The following STXBP2 variants were observed in gnomAD, a reference collection of about 807,000 sequenced individuals.
The protein encoded by STXBP2 is syntaxin binding protein 2.
A neutral mutation model predicts 72.2 loss-of-function variants in STXBP2; 47 were observed. The ratio of observed to expected loss-of-function variants is 0.65; its 90% confidence interval spans 0.51 to 0.83. The LOEUF (loss-of-function observed/expected upper bound fraction) is 0.83, where lower values mean the gene tolerates loss of function less well. Ranked by LOEUF, STXBP2 falls within the 40% of genes least tolerant of loss-of-function variation. The pLI, the probability that STXBP2 is intolerant of heterozygous loss-of-function variation, is 0.00. For missense variants in STXBP2, 702 were observed against 807.6 expected (o/e 0.87, Z 1.58); for synonymous variants, 367 against 338.7 (o/e 1.08, Z -0.92).
upstream of STXBP2, chr19:7,633,408 T>G (rs773238257): frequency 3.8e-6 from 6 of 1,569,918 alleles, no homozygotes; most frequent in South Asian, 7.0e-5. Context: ...CCCTCTCACC[T>G]CGGCACAGGG....
At chr19:7,640,203 TG>T (rs1278893170) in intron 4 of STXBP2, 1 of 552,436 alleles carries the variant, frequency 1.8e-6, no homozygotes, top group Non-Finnish European at 3.4e-6. Context: ...TGTATGCGTG[TG>T]TATGTATGTG....
intron 4 of STXBP2, 122 bp downstream of exon 4, chr19:7,639,929 T>C (rs1568464240): frequency 1.0e-6 from 1 of 977,008 alleles, no homozygotes; most frequent in East Asian, 2.6e-5. Flanking sequence ...TGTCCATGTG[T>C]ATGTGTGTGC....
intron 1 of STXBP2, among the ~76,000 whole-genome samples, chr19:7,638,153 C>T (rs936497321): frequency 2.0e-5 from 3 of 152,208 alleles, no homozygotes; most frequent in Non-Finnish European, 4.4e-5. Context: ...TCTTTTCATT[C>T]ACCTAAAACA....
rs1260687024 is a variant in STXBP2 at position 7,647,715 on chromosome 19, C to T, written c.1697-10C>T. The T allele has an allele frequency of 6.2e-7, 1 of 1,613,938 alleles. No individual in the cohort carries two copies. The highest frequency in any genetic ancestry group is 8.5e-7 in the Non-Finnish European group (1 of 1,179,948). On this transcript the variant is annotated splice_polypyrimidine_tract_variant and intron_variant, in intron 18 of 18. Coordinates refer to ENST00000221283, the MANE Select transcript of STXBP2 (RefSeq NM_006949.4). ...CCCAACATCTTCCCCAAACCTCTGC[C>T]CCTGCACAGGCTCCTCACACATCCT...
chr19:7,637,461 C>T (rs988646346), intron 1 of STXBP2, among the ~76,000 whole-genome samples: 12 of 152,050 alleles, frequency 7.9e-5, no homozygotes, highest in African/African-American at 2.9e-4. Flanking sequence ...GACTCCTGGG[C>T]CTCCTAGGGT....
At position 7,642,628 on chromosome 19, in the gene STXBP2, C is replaced by G. The variant is rs926430930; in HGVS notation, c.902+92C>G. The G allele has an allele frequency of 8.5e-6, 13 of 1,521,812 alleles. 1 individual carries two copies. The African/African-American group carries it at 1.6e-4, about 19-fold the overall frequency. 94.3% of individuals were successfully genotyped at this position (1,521,812 alleles called of 1,614,324 possible). A position where few individuals can be genotyped will look rare whatever the true frequency, so the allele number is the denominator to read the frequency against. Reference sequence around the variant, plus strand: ...TCCCTGGCTGCTGCCAAGTCTTTGGCCCTCATGAGCACCCCTCGTGTGACT... The same window carrying G: ...TCCCTGGCTGCTGCCAAGTCTTTGGGCCTCATGAGCACCCCTCGTGTGACT... On this transcript the variant is annotated intron_variant, in intron 10 of 18. Transcript: ENST00000221283. The surrounding 1 kb of genome is among the most constrained non-coding windows in gnomAD (Gnocchi z 6.0).
chr19:7,631,193 A>C, the STXBP2 span: 1 of 1,299,694 alleles, frequency 7.7e-7, no homozygotes, highest in Non-Finnish European at 1.0e-6. Context: ...TGGGCAATAG[A>C]GTGAGACTTT....
In STXBP2 at chr19:7,644,721, G is replaced by A; in HGVS notation, c.1215G>A (p.Arg405=). 1 of 1,613,792 alleles carries A rather than the reference G, an allele frequency of 6.2e-7. No homozygotes were observed. Among genetic ancestry groups the A allele is most frequent in the Non-Finnish European group, 8.5e-7 (1 of 1,179,854 alleles). The change falls in exon 14 of 19, where the codon CGG becomes CGA. Residue 405 remains arginine (R), a synonymous_variant. Coordinates refer to ENST00000221283, the MANE Select transcript of STXBP2 (RefSeq NM_006949.4). Reference sequence around the variant, plus strand: ...CGGTGCCCGCCTACGACAAGATCCGGGTCCTGCTGCTCTACATCCTCCTTC... The same window carrying A: ...CGGTGCCCGCCTACGACAAGATCCGAGTCCTGCTGCTCTACATCCTCCTTC... The part of the protein sequence containing the change: ...DAAVPAYDKI[R]VLLLYILLRN...
upstream of STXBP2, chr19:7,632,505 G>A (rs1374512816): frequency 6.2e-7 from 1 of 1,613,282 alleles, no homozygotes; most frequent in Non-Finnish European, 8.5e-7. This position sits in a 1 kb window ranked among gnomAD's most constrained non-coding sequence, Gnocchi z 5.2. Context: ...CATCTCGGGG[G>A]TGGGGTCGCT....
At position 7,647,162 on chromosome 19, in the gene STXBP2, G is replaced by A. The variant is rs1279177809; in HGVS notation, c.1453G>A (p.Asp485Asn). 2.5e-6 allele frequency: 4 copies of A among 1,611,558 alleles called. No individual in the cohort carries two copies. Among genetic ancestry groups the A allele is most frequent in the African/African-American group, 1.3e-5 (1 of 74,906 alleles). The change falls in exon 17 of 19, where the codon GAC becomes AAC. Residue 485 changes from aspartate to asparagine, a missense_variant and splice_region_variant. Asp to Asn is a conservative substitution (Grantham distance 23). Coordinates refer to ENST00000221283, the MANE Select transcript of STXBP2 (RefSeq NM_006949.4). ...CCCTAACCTGCCTCTCGGCCGCCAG[G>A]ACGCCGTGGAGGACCGGCTGGACAG... ...WTPVIKDVME[D>N]AVEDRLDRNL...
chr19:7,640,708 A>G (rs1216282865), intron 4 of STXBP2, 23 bp from the exon 5 acceptor site: 3 of 1,613,902 alleles, frequency 1.9e-6, no homozygotes. Flanking sequence ...GCTCAGGCCC[A>G]GAGAGTGATC....
the STXBP2 span, chr19:7,631,304 TC>T: frequency 7.1e-7 from 1 of 1,408,198 alleles, no homozygotes; most frequent in East Asian, 2.6e-5. Flanking sequence ...GTGAAGCGGA[TC>T]CCACGCGGAC....
At chr19:7,638,834 A>G (rs1599389173) in intron 2 of STXBP2, 59 bp downstream of exon 2, 1 of 1,610,236 alleles carries the variant, frequency 6.2e-7, no homozygotes, top group Non-Finnish European at 8.5e-7. Flanking sequence ...GCCTATGGGG[A>G]AGACCCTGAA....
upstream of STXBP2, among the ~76,000 whole-genome samples, chr19:7,635,145 TC>T (rs937006305): frequency 1.3e-5 from 2 of 152,034 alleles, no homozygotes; most frequent in Non-Finnish European, 2.9e-5. Flanking sequence ...CAGCTCTCTG[TC>T]CCCCCAAGGG....
chr19:7,631,614 C>T, the STXBP2 span: 7 of 1,469,806 alleles, frequency 4.8e-6, no homozygotes, highest in Admixed American at 1.5e-4. Flanking sequence ...TACTCAGTTC[C>T]TTGTTATTCA....
upstream of STXBP2, chr19:7,636,997 C>T (rs896107165): frequency 1.2e-5 from 10 of 853,992 alleles, no homozygotes; most frequent in Non-Finnish European, 1.5e-5. Context: ...GACTCAACTT[C>T]CTGGGCCTGG....
chr19:7,631,004 T>C, the STXBP2 span: 1 of 976,942 alleles, frequency 1.0e-6, no homozygotes, highest in South Asian at 1.5e-5. Context: ...AGGTCAGGAG[T>C]TCAAAACCAG....
upstream of STXBP2, among the ~76,000 whole-genome samples, chr19:7,635,591 G>A (rs151199415): frequency 2.6e-5 from 4 of 152,270 alleles, no homozygotes; most frequent in Non-Finnish European, 2.9e-5. Context: ...AGCTACTTGG[G>A]TGGCCGAAGT....
At chr19:7,645,167 G>A (rs775827235) in intron 14 of STXBP2, 30 bp from the exon 15 acceptor site, 27 of 1,549,648 alleles carry the variant, frequency 1.7e-5, no homozygotes, top group Middle Eastern at 1.7e-4. Flanking sequence ...CCTGGCCGCC[G>A]CCTCCACCCT....
Sources: allele counts gnomAD v4.1 joint callset (sites outside exome capture counted in the v4.1 genomes callset), GRCh38; gene constraint gnomAD v4.1.1; non-coding constraint Gnocchi (gnomAD v3.1); transcripts MANE v1.5; gene names NCBI Gene and HGNC (gene_info 2026-07-23, HGNC 2026-07-21).